RBFOX3: variants seen among roughly 807,000 people sequenced by gnomAD.
The protein encoded by RBFOX3 is RNA binding protein fox-1 homolog 3.
In RBFOX3, 17 loss-of-function variants were observed where a neutral mutation model predicts 48.7. That is an observed-to-expected ratio of 0.35 (90% CI 0.24 to 0.52). The LOEUF (loss-of-function observed/expected upper bound fraction) is 0.52, where lower values mean the gene tolerates loss of function less well. RBFOX3 is among the 20% of genes least tolerant of loss of function. The probability of loss-of-function intolerance (pLI) is 0.94; values close to 1 mark genes in which losing one functional copy is unlikely to be tolerated. For missense variants in RBFOX3, 382 were observed against 497.5 expected (o/e 0.77, Z 2.21); for synonymous variants, 212 against 209.5 (o/e 1.01, Z -0.10).
At chr17:79,369,777 G>A (rs55760621) in intron 2 of RBFOX3, among the ~76,000 whole-genome samples, 19,590 of 152,098 alleles carry the variant, frequency 0.13, 1,719 homozygotes, top group Non-Finnish European at 0.2. Flanking sequence ...CTGCAGCCTC[G>A]GGAAAGATCA....
At chr17:79,305,168 T>C (rs1205341816) in intron 3 of RBFOX3, among the ~76,000 whole-genome samples, 2 of 152,212 alleles carry the variant, frequency 1.3e-5, no homozygotes, top group African/African-American at 2.4e-5. Context: ...GGTGGCTCAG[T>C]TCCTGAAGAT....
chr17:79,381,587 C>T (rs764869647), intron 2 of RBFOX3, among the ~76,000 whole-genome samples: 8 of 151,824 alleles, frequency 5.3e-5, no homozygotes, highest in African/African-American at 9.7e-5. Context: ...ACCCACACAC[C>T]GGGCCTGGCA....
intron 2 of RBFOX3, among the ~76,000 whole-genome samples, chr17:79,453,810 G>A (rs1484449452): frequency 6.6e-6 from 1 of 152,152 alleles, no homozygotes; most frequent in Non-Finnish European, 1.5e-5. Context: ...AGGTCCCCAT[G>A]CAAAGCTGCA....
At chr17:79,312,671 G>A (rs2077014419) in intron 2 of RBFOX3, among the ~76,000 whole-genome samples, 1 of 152,194 alleles carries the variant, frequency 6.6e-6, no homozygotes, top group African/African-American at 2.4e-5. Context: ...GAAAGACTCA[G>A]GCCCAGGAAA....
chr17:79,530,955 G>A (rs1021683107), intron 1 of RBFOX3, among the ~76,000 whole-genome samples: 6 of 152,210 alleles, frequency 3.9e-5, no homozygotes, highest in South Asian at 2.1e-4. Flanking sequence ...TGTGCCGTGC[G>A]GCAGGAAGGC....
At chr17:79,399,893 G>C (rs2062572282) in intron 2 of RBFOX3, among the ~76,000 whole-genome samples, 1 of 152,236 alleles carries the variant, frequency 6.6e-6, no homozygotes, top group African/African-American at 2.4e-5. Flanking sequence ...GTGCAGGACA[G>C]TCTAACTCCC....
intron 4 of RBFOX3, among the ~76,000 whole-genome samples, chr17:79,228,519 T>C (rs1483742234): frequency 1.3e-5 from 2 of 152,206 alleles, no homozygotes; most frequent in Admixed American, 1.3e-4. Context: ...ATGTTTAATG[T>C]CCTGCTTCTT....
intron 4 of RBFOX3, among the ~76,000 whole-genome samples, chr17:79,122,071 A>G (rs62064678): frequency 0.71 from 108,055 of 151,978 alleles, 38,745 homozygotes; most frequent in East Asian, 0.84. Flanking sequence ...AGTCCAGCAC[A>G]TAGTCCTAAT....
At chr17:79,142,707 C>T (rs2044196867) in intron 4 of RBFOX3, among the ~76,000 whole-genome samples, 1 of 152,102 alleles carries the variant, frequency 6.6e-6, no homozygotes, top group Non-Finnish European at 1.5e-5. Context: ...CTGAACAGGC[C>T]GAGGGCTGCT....
At chr17:79,547,376 A>G (rs2090588102) in intron 1 of RBFOX3, among the ~76,000 whole-genome samples, 1 of 152,194 alleles carries the variant, frequency 6.6e-6, no homozygotes, top group African/African-American at 2.4e-5. Context: ...AATTGCTTGA[A>G]TCCCAGAGGC....
Position 79,427,147 on chromosome 17 carries a change from C to G in RBFOX3, c.-175+55307G>C, listed in dbSNP as rs547874413. On this transcript the variant is annotated intron_variant, in intron 2 of 14. Coordinates refer to ENST00000693108, the MANE Select transcript of RBFOX3 (RefSeq NM_001350451.2). ...GGTGCTCGGAGCAGTAGCTGTGCCT[C>G]CCCTTTAGCTGGTAAGAGATGCGGA... Among the ~76,000 whole-genome samples the G allele has an allele frequency of 1.2e-4, 18 of 152,342 alleles. No homozygotes were observed. The East Asian group carries it at 2.9e-3, about 25-fold the overall frequency.
At chr17:79,099,328 T>A (rs550149621) in intron 9 of RBFOX3, 1 of 152,432 alleles carries the variant, frequency 6.6e-6, no homozygotes, top group African/African-American at 2.4e-5. Context: ...GGTCTCCCTG[T>A]GTTGCTCAGG....
At chr17:79,174,535 ACAGT>A (rs1439232280) in intron 4 of RBFOX3, among the ~76,000 whole-genome samples, 9 of 142,368 alleles carry the variant, frequency 6.3e-5, no homozygotes, top group Admixed American at 6.0e-4. Context: ...AGACACATGC[ACAGT>A]CACACACTGA....
At chr17:79,504,288 G>A (rs985620374) in intron 1 of RBFOX3, among the ~76,000 whole-genome samples, 16 of 152,184 alleles carry the variant, frequency 1.1e-4, no homozygotes, top group African/African-American at 2.9e-4. Flanking sequence ...CTTCTCCCTC[G>A]CCGAGTCAGA....
chr17:79,585,349 A>G, intron 1 of RBFOX3, among the ~76,000 whole-genome samples: 1 of 151,990 alleles, frequency 6.6e-6, no homozygotes, highest in East Asian at 2.0e-4. Flanking sequence ...TAAGGTCAGT[A>G]GTCCGAGACC....
At chr17:79,616,171 C>T in the RBFOX3 span, among the ~76,000 whole-genome samples, 1 of 152,296 alleles carries the variant, frequency 6.6e-6, no homozygotes, top group African/African-American at 2.4e-5. Context: ...CATTGGCTGC[C>T]TTGCTTGCTT....
chr17:79,169,499 A>T, intron 4 of RBFOX3, among the ~76,000 whole-genome samples: 1 of 152,190 alleles, frequency 6.6e-6, no homozygotes. Context: ...CCCAGGACCC[A>T]GGACCCCGCC....
In RBFOX3 at chr17:79,391,808, A is replaced by G. The variant is rs571088593; in HGVS notation, c.-174-83984T>C. Among the ~76,000 whole-genome samples, 2 of 151,872 alleles carry G rather than the reference A, an allele frequency of 1.3e-5. No homozygotes were observed. The highest frequency in any genetic ancestry group is 4.8e-5 in the African/African-American group (2 of 41,396). Reference sequence around the variant, plus strand: ...TGCATGACAACGAGAACCAGTACGCATGTGTTTGGGGGACAGCACACCCCC... The same window carrying G: ...TGCATGACAACGAGAACCAGTACGCGTGTGTTTGGGGGACAGCACACCCCC... On this transcript the variant is annotated intron_variant, in intron 2 of 14. Transcript: ENST00000693108. The surrounding 1 kb of genome is among the most constrained non-coding windows in gnomAD (Gnocchi z 5.0).
At chr17:79,159,855 C>G (rs2046599950) in intron 4 of RBFOX3, among the ~76,000 whole-genome samples, 1 of 152,246 alleles carries the variant, frequency 6.6e-6, no homozygotes, top group Admixed American at 6.5e-5. Context: ...GCTACTCCCA[C>G]CTCCCTCATA....
Sources: allele counts gnomAD v4.1 joint callset (sites outside exome capture counted in the v4.1 genomes callset), GRCh38; gene constraint gnomAD v4.1.1; non-coding constraint Gnocchi (gnomAD v3.1); transcripts MANE v1.5; gene names NCBI Gene and HGNC (gene_info 2026-07-23, HGNC 2026-07-21).